The following UNC13C variants were observed in gnomAD, a reference collection of about 807,000 sequenced individuals.
The protein encoded by UNC13C is unc-13 homolog C, also known as protein unc-13 homolog C.
Under a neutral mutation model 245.4 loss-of-function variants are expected in UNC13C, and 174 were observed. That is an observed-to-expected ratio of 0.71 (90% CI 0.63 to 0.80). The LOEUF (loss-of-function observed/expected upper bound fraction) is 0.80. Among genes scored for constraint, UNC13C ranks in the 30% least tolerant of loss-of-function variants. UNC13C has a pLI of 0.00. For missense variants in UNC13C, 2,829 were observed against 2,602.9 expected, an observed-to-expected ratio of 1.09 and a Z score of -1.89; for synonymous variants, 992 against 895.1, an observed-to-expected ratio of 1.11 and a Z score of -1.93.
chr15:54,268,073 C>T (rs1049696222), intron 10 of UNC13C, among the ~76,000 whole-genome samples: 1 of 152,020 alleles, frequency 6.6e-6, no homozygotes, highest in Middle Eastern at 3.4e-3. Context: ...GTTTTAAGCC[C>T]AGCATGCATT....
At chr15:54,408,730 T>C (rs956885547) in intron 18 of UNC13C, among the ~76,000 whole-genome samples, 18 of 152,332 alleles carry the variant, frequency 1.2e-4, no homozygotes, top group African/African-American at 4.1e-4. Context: ...TTGGTGTGTT[T>C]TCTTCCAGCT....
At chr15:54,069,630 A>G (rs1335636638) in intron 2 of UNC13C, among the ~76,000 whole-genome samples, 1 of 152,196 alleles carries the variant, frequency 6.6e-6, no homozygotes, top group Non-Finnish European at 1.5e-5. Flanking sequence ...GTCATGGGCC[A>G]TGTACTTGGA....
intron 2 of UNC13C, among the ~76,000 whole-genome samples, chr15:54,114,694 G>A (rs1336601761): frequency 6.6e-6 from 1 of 152,066 alleles, no homozygotes; most frequent in African/African-American, 2.4e-5. Context: ...AAGAGTTTAT[G>A]TCGTGTACCT....
At chr15:54,374,387 C>A (rs2039559679) in intron 17 of UNC13C, among the ~76,000 whole-genome samples, 1 of 152,130 alleles carries the variant, frequency 6.6e-6, no homozygotes, top group Non-Finnish European at 1.5e-5. Flanking sequence ...TCAGTAACCC[C>A]CACCCCGGCC....
intron 32 of UNC13C, among the ~76,000 whole-genome samples, chr15:54,625,977 C>T (rs533880204): frequency 1.3e-5 from 2 of 152,110 alleles, no homozygotes; most frequent in African/African-American, 4.8e-5. Context: ...CCCTAAAGTA[C>T]AAAGTTTAGT....
intron 2 of UNC13C, among the ~76,000 whole-genome samples, chr15:54,073,380 C>A (rs141090065): frequency 9.4e-4 from 143 of 152,232 alleles, no homozygotes; most frequent in African/African-American, 3.4e-3. Context: ...GATTTATAAT[C>A]CTTTGGTTAT....
intron 2 of UNC13C, among the ~76,000 whole-genome samples, chr15:54,121,482 T>C (rs2030664015): frequency 6.6e-6 from 1 of 152,096 alleles, no homozygotes; most frequent in African/African-American, 2.4e-5. Context: ...CTGCTATGTT[T>C]CTGTGGTATG....
chr15:54,229,748 T>C (rs993019862), intron 4 of UNC13C, among the ~76,000 whole-genome samples: 1 of 152,148 alleles, frequency 6.6e-6, no homozygotes. Context: ...TAACTAATTT[T>C]CTGTATCTTT....
intron 2 of UNC13C, among the ~76,000 whole-genome samples, chr15:54,020,529 T>G (rs985301268): frequency 2.0e-5 from 3 of 150,694 alleles, no homozygotes; most frequent in African/African-American, 7.3e-5. Context: ...GTGATCTGCC[T>G]GCCTTGGCCT....
At chr15:53,999,762 A>G (rs2140972441) in intron 1 of UNC13C, among the ~76,000 whole-genome samples, 2 of 152,164 alleles carry the variant, frequency 1.3e-5, no homozygotes, top group South Asian at 4.1e-4. Context: ...TCATTTCAAA[A>G]TATTTCAGTT....
chr15:54,148,244 G>A (rs545120460), intron 4 of UNC13C, among the ~76,000 whole-genome samples: 3 of 152,242 alleles, frequency 2.0e-5, no homozygotes, highest in Admixed American at 6.5e-5. Context: ...AATAAGAAAC[G>A]TATGCTGAGA....
intron 19 of UNC13C, among the ~76,000 whole-genome samples, chr15:54,479,599 C>G (rs1333511331): frequency 2.6e-5 from 4 of 152,010 alleles, no homozygotes; most frequent in Non-Finnish European, 5.9e-5. Context: ...ATAACTTACT[C>G]CTGTCATTTT....
At chr15:54,524,277 G>A (rs906519625) in intron 24 of UNC13C, among the ~76,000 whole-genome samples, 3 of 151,880 alleles carry the variant, frequency 2.0e-5, no homozygotes, top group Non-Finnish European at 2.9e-5. Flanking sequence ...TATCTGTTAT[G>A]GTAGCCTGTG....
the UNC13C span, among the ~76,000 whole-genome samples, chr15:53,841,625 C>G: frequency 6.6e-6 from 1 of 152,230 alleles, no homozygotes; most frequent in East Asian, 1.9e-4. Flanking sequence ...GTGACAAGAG[C>G]TCCCCACAAG....
At chr15:54,495,441 C>T (rs1893905724) in intron 20 of UNC13C, among the ~76,000 whole-genome samples, 6 of 151,918 alleles carry the variant, frequency 3.9e-5, no homozygotes, top group Admixed American at 2.0e-4. Flanking sequence ...TAGGGTTTCA[C>T]AGAAGAGAGA....
At chr15:54,128,488 G>C (rs907808728) in intron 2 of UNC13C, among the ~76,000 whole-genome samples, 4 of 152,120 alleles carry the variant, frequency 2.6e-5, no homozygotes, top group African/African-American at 7.2e-5. Context: ...GTGAACATTT[G>C]CATCTGTTGA....
At chr15:54,426,913 C>G (rs374568915) in intron 19 of UNC13C, among the ~76,000 whole-genome samples, 19 of 151,768 alleles carry the variant, frequency 1.3e-4, no homozygotes, top group African/African-American at 3.9e-4. Flanking sequence ...CAAATATTAG[C>G]TTTGGTGATG....
At chr15:54,283,822 A>G (rs2037068652) in intron 10 of UNC13C, among the ~76,000 whole-genome samples, 1 of 152,104 alleles carries the variant, frequency 6.6e-6, no homozygotes, top group Non-Finnish European at 1.5e-5. Flanking sequence ...CAACTGAGCA[A>G]CTTTCCCGAA....
At chr15:54,474,072 C>T (rs960217378) in intron 19 of UNC13C, among the ~76,000 whole-genome samples, 5 of 151,898 alleles carry the variant, frequency 3.3e-5, no homozygotes, top group African/African-American at 1.2e-4. Context: ...TCCATCTATC[C>T]ATTGATGAAA....
Sources: allele counts gnomAD v4.1 joint callset (sites outside exome capture counted in the v4.1 genomes callset), GRCh38; gene constraint gnomAD v4.1.1; transcripts MANE v1.5; gene names NCBI Gene and HGNC (gene_info 2026-07-23, HGNC 2026-07-21).